Variants in CAMSAP2 observed in about 807,000 individuals in gnomAD.
CAMSAP2 encodes calmodulin-regulated spectrin-associated protein 2.
In CAMSAP2, 26 loss-of-function variants were observed where a neutral mutation model predicts 146.1. The observed-to-expected ratio is 0.18, with a 90% confidence interval of 0.13 to 0.25. The LOEUF is 0.25. Ranked by LOEUF, CAMSAP2 falls within the 10% of genes least tolerant of loss-of-function variation. The pLI, the probability that CAMSAP2 is intolerant of heterozygous loss-of-function variation, is 1.00. For missense variants in CAMSAP2, 1,381 were observed against 1,759.3 expected (o/e 0.78, Z 3.85); for synonymous variants, 499 against 596.6 (o/e 0.84, Z 2.38).
intron 4 of CAMSAP2, among the ~76,000 whole-genome samples, chr1:200,825,903 G>A (rs1666894057): frequency 6.6e-6 from 1 of 152,138 alleles, no homozygotes; most frequent in African/African-American, 2.4e-5. Context: ...GTAGTTTCCA[G>A]TATCTTGCTA....
At chr1:200,753,860 CCT>C (rs1664576995) in intron 1 of CAMSAP2, among the ~76,000 whole-genome samples, 1 of 152,214 alleles carries the variant, frequency 6.6e-6, no homozygotes, top group South Asian at 2.1e-4. Flanking sequence ...TGCCGTGTTG[CCT>C]CTCTGCACAG....
Position 200,850,194 on chromosome 1 carries a change from T to C in CAMSAP2, c.3425T>C (p.Phe1142Ser), listed in dbSNP as rs1309316975. 1 of 1,600,522 alleles carries C rather than the reference T, an allele frequency of 6.2e-7. No homozygotes were observed. The highest frequency in any genetic ancestry group is 1.8e-5 in the Admixed American group (1 of 55,772). The change falls in exon 11 of 17, where the codon TTT becomes TCT. Residue 1142 changes from phenylalanine to serine, a missense_variant. Transcript: ENST00000358823. ...GATGGAGAAAGTGATAAAGAACAAT[T>C]TGATGATGACCAGAAAGTATGCTGT... ...KYDGESDKEQ[F>S]DDDQKVCCGF...
At chr1:200,811,487 G>A (rs1666330011) in intron 3 of CAMSAP2, among the ~76,000 whole-genome samples, 1 of 152,150 alleles carries the variant, frequency 6.6e-6, no homozygotes, top group Non-Finnish European at 1.5e-5. Context: ...ACAGTGCACT[G>A]TTGAATTGAG....
At chr1:200,847,598 T>G in intron 9 of CAMSAP2, 42 bp from the exon 10 acceptor site, 1 of 1,518,936 alleles carries the variant, frequency 6.6e-7, no homozygotes, top group Non-Finnish European at 9.1e-7. Flanking sequence ...AAGTTAATTT[T>G]TTTACATGAT....
intron 4 of CAMSAP2, among the ~76,000 whole-genome samples, chr1:200,817,644 C>T (rs1666640590): frequency 6.6e-6 from 1 of 152,128 alleles, no homozygotes; most frequent in Non-Finnish European, 1.5e-5. Context: ...ACTGATCTCT[C>T]CATAAAAAGA....
intron 2 of CAMSAP2, among the ~76,000 whole-genome samples, chr1:200,771,810 T>A (rs1225715931): frequency 6.6e-6 from 1 of 152,196 alleles, no homozygotes. Context: ...GGGAGAAATC[T>A]GTGAGCTCCT....
At chr1:200,824,723 A>G (rs905115563) in intron 4 of CAMSAP2, among the ~76,000 whole-genome samples, 2 of 152,208 alleles carry the variant, frequency 1.3e-5, no homozygotes, top group African/African-American at 4.8e-5. Flanking sequence ...TCAAGCCTAT[A>G]ATCCCCGCAC....
At chr1:200,773,942 T>TAAA (rs1342646246) in intron 2 of CAMSAP2, among the ~76,000 whole-genome samples, 8 of 135,910 alleles carry the variant, frequency 5.9e-5, no homozygotes, top group African/African-American at 2.3e-4. Flanking sequence ...TAAAATAAAA[T>TAAA]AAAATAAAAT....
At chr1:200,801,788 G>C (rs1666042884) in intron 2 of CAMSAP2, among the ~76,000 whole-genome samples, 1 of 152,216 alleles carries the variant, frequency 6.6e-6, no homozygotes, top group Non-Finnish European at 1.5e-5. Context: ...GCTAGAGTCA[G>C]ATGGCAGTAT....
At chr1:200,821,242 G>A (rs1020590810) in intron 4 of CAMSAP2, among the ~76,000 whole-genome samples, 3 of 150,700 alleles carry the variant, frequency 2.0e-5, no homozygotes, top group East Asian at 2.0e-4. Context: ...GAATGAAGTA[G>A]CGAGATCATG....
chr1:200,815,850 TTAA>T (rs1666468450), intron 4 of CAMSAP2, among the ~76,000 whole-genome samples: 1 of 152,208 alleles, frequency 6.6e-6, no homozygotes, highest in Non-Finnish European at 1.5e-5. Flanking sequence ...AAAAAATATA[TTAA>T]TGACTAGAAC....
chr1:200,802,660 A>G (rs1360814315), intron 2 of CAMSAP2, among the ~76,000 whole-genome samples: 2 of 152,180 alleles, frequency 1.3e-5, no homozygotes, highest in Non-Finnish European at 2.9e-5. Context: ...TAGTCCAAAA[A>G]CTAAGTTCAT....
intron 2 of CAMSAP2, among the ~76,000 whole-genome samples, chr1:200,799,676 G>A (rs1665984976): frequency 6.6e-6 from 1 of 152,004 alleles, no homozygotes; most frequent in Admixed American, 6.6e-5. Context: ...TTCTCCTTCA[G>A]TTCTGCTCTG....
intron 1 of CAMSAP2, among the ~76,000 whole-genome samples, chr1:200,742,171 ACT>A (rs1419307706): frequency 2.0e-5 from 3 of 152,158 alleles, no homozygotes; most frequent in Non-Finnish European, 2.9e-5. Context: ...TGCATGTCTG[ACT>A]CTGAAGCCTT....
In CAMSAP2 at chr1:200,849,314, C is replaced by G; in HGVS notation, c.2545C>G (p.Leu849Val). 1.2e-6 allele frequency: 2 copies of G among 1,614,040 alleles called. No individual in the cohort carries two copies. Among genetic ancestry groups the G allele is most frequent in the Non-Finnish European group, 1.7e-6 (2 of 1,180,020 alleles). ...CATGGAGAATCCTCAAGCCAAATGG[C>G]TAAAGTCTCCAACTACACCTATTGA... ...ESMENPQAKWLKSPTTPIDPE... is the reference protein window; with the variant it reads ...ESMENPQAKWVKSPTTPIDPE... The change falls in exon 11 of 17, where the codon CTA becomes GTA. Residue 849 changes from leucine to valine, a missense_variant. Leu to Val is a conservative substitution (Grantham distance 32). Transcript: ENST00000358823. This position sits in a 1 kb window ranked among gnomAD's most constrained non-coding sequence, Gnocchi z 6.3.
intron 2 of CAMSAP2, among the ~76,000 whole-genome samples, chr1:200,766,334 A>G (rs550251289): frequency 6.6e-6 from 1 of 151,490 alleles, no homozygotes; most frequent in South Asian, 2.1e-4. Flanking sequence ...TTTTTTTTGT[A>G]GAGACAGGGT....
chr1:200,758,984 A>C (rs898453012), intron 1 of CAMSAP2, among the ~76,000 whole-genome samples: 3 of 152,172 alleles, frequency 2.0e-5, no homozygotes, highest in Non-Finnish European at 4.4e-5. Flanking sequence ...AGATTGTTCC[A>C]AAACGTCAGT....
intron 14 of CAMSAP2, among the ~76,000 whole-genome samples, chr1:200,855,175 C>G: frequency 6.6e-6 from 1 of 152,046 alleles, no homozygotes; most frequent in East Asian, 1.9e-4. Context: ...AATTATACAT[C>G]AGTAATTGCT....
intron 1 of CAMSAP2, among the ~76,000 whole-genome samples, chr1:200,756,298 C>A (rs1664647051): frequency 6.6e-6 from 1 of 151,652 alleles, no homozygotes; most frequent in South Asian, 2.1e-4. Context: ...ACGAAAAATA[C>A]AAAAATTAGC....
Sources: gnomAD v4.1 joint callset for allele counts (sites outside exome capture counted in the v4.1 genomes callset) on GRCh38, gnomAD v4.1.1 for gene constraint, Gnocchi (gnomAD v3.1) non-coding constraint, MANE v1.5 for transcripts, NCBI Gene and HGNC (gene_info 2026-07-23, HGNC 2026-07-21) for gene names.